Variants in SCHIP1 observed in about 807,000 individuals in gnomAD.
SCHIP1 encodes schwannomin interacting protein 1, also known as schwannomin-interacting protein 1.
Under a neutral mutation model 29.7 loss-of-function variants are expected in SCHIP1, and 8 were observed. The ratio of observed to expected loss-of-function variants is 0.27; its 90% CI spans 0.16 to 0.49. The LOEUF (loss-of-function observed/expected upper bound fraction) is 0.49, where lower values mean the gene tolerates loss of function less well. Ranked by LOEUF, SCHIP1 falls within the 20% of genes least tolerant of loss-of-function variation. SCHIP1 has a pLI of 0.99. For synonymous variants in SCHIP1, 76 were observed against 94.9 expected (o/e 0.80, Z 1.16); for missense variants, 193 against 294.6 (o/e 0.66, Z 2.52).
chr3:159,357,583 T>C, the SCHIP1 span, among the ~76,000 whole-genome samples: 1 of 152,220 alleles, frequency 6.6e-6, no homozygotes, highest in East Asian at 1.9e-4. Flanking sequence ...TCAAAGATCA[T>C]GAATGAATTC....
chr3:159,554,469 G>T, the SCHIP1 span, among the ~76,000 whole-genome samples: 1 of 152,088 alleles, frequency 6.6e-6, no homozygotes, highest in Non-Finnish European at 1.5e-5. Flanking sequence ...CTTAAAAATC[G>T]TATTAACAAG....
the SCHIP1 span, among the ~76,000 whole-genome samples, chr3:159,449,418 C>A: frequency 1.3e-5 from 2 of 152,102 alleles, no homozygotes; most frequent in Non-Finnish European, 2.9e-5. Flanking sequence ...CTATTAAAGA[C>A]AATAGTGATT....
chr3:159,843,001 CTTTTTTTTT>C (rs566940351), intron 1 of SCHIP1, among the ~76,000 whole-genome samples: 28 of 63,734 alleles, frequency 4.4e-4, no homozygotes, highest in South Asian at 8.9e-4. Flanking sequence ...ATATTTCTTT[CTTTTTTTTT>C]TTTTTTTTTT....
chr3:159,403,283 C>A, the SCHIP1 span, among the ~76,000 whole-genome samples: 1 of 152,150 alleles, frequency 6.6e-6, no homozygotes, highest in African/African-American at 2.4e-5. Context: ...AGAAACACCA[C>A]AATGAACAAG....
At chr3:159,611,887 CG>C in the SCHIP1 span, among the ~76,000 whole-genome samples, 1 of 152,068 alleles carries the variant, frequency 6.6e-6, no homozygotes, top group African/African-American at 2.4e-5. Flanking sequence ...CTCCTCTCCT[CG>C]GTGTCTTTCT....
chr3:159,344,739 A>G, the SCHIP1 span, among the ~76,000 whole-genome samples: 1 of 152,232 alleles, frequency 6.6e-6, no homozygotes, highest in Non-Finnish European at 1.5e-5. Context: ...CTGGAATAGA[A>G]AAAGTTCATT....
chr3:159,862,893 G>A (rs1192155273), intron 1 of SCHIP1, among the ~76,000 whole-genome samples: 3 of 152,012 alleles, frequency 2.0e-5, no homozygotes, highest in African/African-American at 4.8e-5. Context: ...CATTGCTGGC[G>A]GGCATGTGGA....
chr3:159,599,469 T>C, the SCHIP1 span, among the ~76,000 whole-genome samples: 1 of 152,174 alleles, frequency 6.6e-6, no homozygotes, highest in Non-Finnish European at 1.5e-5. Context: ...CCCTCATAGC[T>C]TAGCTCCCAT....
At chr3:159,819,730 T>A in the SCHIP1 span, among the ~76,000 whole-genome samples, 1 of 152,226 alleles carries the variant, frequency 6.6e-6, no homozygotes, top group Non-Finnish European at 1.5e-5. Context: ...TAGTTTGTCC[T>A]CTTGATTAAG....
At chr3:159,432,327 TGTGTGTGTGTGTGA>T in the SCHIP1 span, among the ~76,000 whole-genome samples, 117 of 106,310 alleles carry the variant, frequency 1.1e-3, no homozygotes, top group African/African-American at 1.5e-3. Flanking sequence ...TGTGTGTGTG[TGTGTGTGTGTGTGA>T]GAGAGAGAGA....
At chr3:159,437,317 C>A in the SCHIP1 span, among the ~76,000 whole-genome samples, 2 of 152,126 alleles carry the variant, frequency 1.3e-5, no homozygotes, top group Admixed American at 1.3e-4. Context: ...CCCATTTTGT[C>A]TATCTGGGTA....
At chr3:159,803,802 AAAT>A in the SCHIP1 span, among the ~76,000 whole-genome samples, 3 of 152,224 alleles carry the variant, frequency 2.0e-5, no homozygotes, top group African/African-American at 7.2e-5. Context: ...GGGAATACTG[AAAT>A]AATAATTCTA....
intron 5 of SCHIP1, among the ~76,000 whole-genome samples, chr3:159,889,926 C>T (rs1444586875): frequency 6.6e-6 from 1 of 152,054 alleles, no homozygotes; most frequent in Non-Finnish European, 1.5e-5. Flanking sequence ...GAAACCCCAT[C>T]TCTATTAAAA....
chr3:159,673,236 G>GA, the SCHIP1 span, among the ~76,000 whole-genome samples: 2 of 152,252 alleles, frequency 1.3e-5, no homozygotes, highest in Admixed American at 6.5e-5. Flanking sequence ...TACCTTCACA[G>GA]AAAAAACATG....
the SCHIP1 span, chr3:159,274,621 TATG>T: frequency 1.2e-6 from 1 of 828,084 alleles, no homozygotes; most frequent in Non-Finnish European, 1.5e-6. Context: ...TTTGTAGTTC[TATG>T]ATATTATTAT....
chr3:159,371,804 T>A, the SCHIP1 span, among the ~76,000 whole-genome samples: 4,140 of 152,284 alleles, frequency 0.027, 76 homozygotes, highest in East Asian at 0.11. Context: ...ATTATACTGT[T>A]TCATTTAGGA....
At chr3:159,390,140 A>G in the SCHIP1 span, among the ~76,000 whole-genome samples, 1 of 151,972 alleles carries the variant, frequency 6.6e-6, no homozygotes, top group Non-Finnish European at 1.5e-5. Flanking sequence ...TGACTCCCTG[A>G]TTAATTTATG....
chr3:159,755,781 C>G, the SCHIP1 span, among the ~76,000 whole-genome samples: 3 of 152,354 alleles, frequency 2.0e-5, no homozygotes, highest in Non-Finnish European at 4.4e-5. Context: ...TGGGTAAATA[C>G]AGCCATTCCA....
At chr3:159,739,124 C>G in the SCHIP1 span, among the ~76,000 whole-genome samples, 1 of 152,094 alleles carries the variant, frequency 6.6e-6, no homozygotes, top group Non-Finnish European at 1.5e-5. Flanking sequence ...GGACAGGGAC[C>G]GGGGATGATA....
Sources: gnomAD v4.1 joint callset for allele counts (sites outside exome capture counted in the v4.1 genomes callset) on GRCh38, gnomAD v4.1.1 for gene constraint, MANE v1.5 for transcripts, NCBI Gene and HGNC (gene_info 2026-07-23, HGNC 2026-07-21) for gene names.